TRAK2: variants seen among roughly 807,000 people sequenced by gnomAD.
TRAK2 encodes trafficking kinesin protein 2.
A neutral mutation model predicts 104.6 loss-of-function variants in TRAK2; 81 were observed. The ratio of observed to expected loss-of-function variants is 0.77; its 90% CI spans 0.65 to 0.93. TRAK2 has a LOEUF of 0.93. Among genes scored for constraint, TRAK2 ranks in the 40% least tolerant of loss-of-function variants. The pLI is 0.00. For missense variants in TRAK2, 1,002 were observed against 1,089.0 expected, an observed-to-expected ratio of 0.92 and a Z score of 1.12; for synonymous variants, 406 against 394.4, an observed-to-expected ratio of 1.03 and a Z score of -0.35.
chr2:201,389,644 C>T (rs1424223141), intron 11 of TRAK2, 141 bp from the exon 12 acceptor site: 1 of 1,090,174 alleles, frequency 9.2e-7, no homozygotes, highest in East Asian at 2.4e-5. Context: ...AGCTTTCAAA[C>T]AAGAGAACTC....
At chr2:201,418,456 T>C (rs1397946200) in intron 2 of TRAK2, among the ~76,000 whole-genome samples, 1 of 152,106 alleles carries the variant, frequency 6.6e-6, no homozygotes, top group Non-Finnish European at 1.5e-5. Context: ...ATGTGAAAAA[T>C]CTTAAATGGC....
At position 201,393,197 on chromosome 2, in the gene TRAK2, A is replaced by T; in HGVS notation, c.976-151T>A. The stretch of plus-strand genomic sequence containing the variant: ...TTCAATACAAAGACTAAAACAAACT[A>T]AGCAAGAAGCGTATATATATATATT... On this transcript the variant is annotated intron_variant, in intron 9 of 15. Transcript: ENST00000332624. 3 of 791,086 alleles carry T rather than the reference A, an allele frequency of 3.8e-6. No homozygotes were observed. In the South Asian group the frequency reaches 7.6e-5, roughly 20 times the overall value. The allele number at this position is 791,086 out of a possible 1,614,324, so 49.0% of individuals were successfully genotyped here.
intron 11 of TRAK2, 95 bp from the exon 12 acceptor site, chr2:201,389,598 C>T (rs1026495702): frequency 8.1e-7 from 1 of 1,228,636 alleles, no homozygotes; most frequent in Non-Finnish European, 1.2e-6. Context: ...ATAAAGCCAC[C>T]CTGAGGAGCT....
chr2:201,413,906 C>T (rs529513327), intron 2 of TRAK2, among the ~76,000 whole-genome samples: 1 of 152,172 alleles, frequency 6.6e-6, no homozygotes, highest in Non-Finnish European at 1.5e-5. Flanking sequence ...CTATTTTTCA[C>T]TCTTAATATT....
intron 1 of TRAK2, among the ~76,000 whole-genome samples, chr2:201,423,276 A>G (rs925543938): frequency 6.6e-6 from 1 of 152,186 alleles, no homozygotes; most frequent in Non-Finnish European, 1.5e-5. Context: ...AATTTTAATA[A>G]ATACTTTAAG....
At chr2:201,434,251 C>T (rs1358217058) in intron 1 of TRAK2, among the ~76,000 whole-genome samples, 2 of 152,154 alleles carry the variant, frequency 1.3e-5, no homozygotes, top group African/African-American at 2.4e-5. Flanking sequence ...GCCACTGCGC[C>T]CGGCCCATAA....
intron 1 of TRAK2, among the ~76,000 whole-genome samples, chr2:201,450,608 T>C (rs567458235): frequency 5.3e-4 from 80 of 152,036 alleles, no homozygotes; most frequent in Non-Finnish European, 9.7e-4. Context: ...CGGGAAGATT[T>C]ACGGAGACCA....
intron 1 of TRAK2, among the ~76,000 whole-genome samples, chr2:201,425,856 G>A (rs1405862718): frequency 6.6e-6 from 1 of 152,132 alleles, no homozygotes; most frequent in Non-Finnish European, 1.5e-5. Context: ...AAACAGAGCT[G>A]CGGTTCTTTT....
At chr2:201,415,761 GAAGA>G (rs1332910412) in intron 2 of TRAK2, among the ~76,000 whole-genome samples, 9 of 152,132 alleles carry the variant, frequency 5.9e-5, no homozygotes, top group African/African-American at 1.9e-4. Flanking sequence ...TGAAGTCCCA[GAAGA>G]AAGAAGAGGC....
At chr2:201,393,691 G>A (rs1290966769) in intron 9 of TRAK2, among the ~76,000 whole-genome samples, 5 of 152,190 alleles carry the variant, frequency 3.3e-5, no homozygotes, top group Admixed American at 6.5e-5. Flanking sequence ...ACCACTTGAA[G>A]TAGAAGCTCT....
At chr2:201,419,669 A>G (rs1951723545) in intron 2 of TRAK2, among the ~76,000 whole-genome samples, 1 of 152,176 alleles carries the variant, frequency 6.6e-6, no homozygotes, top group African/African-American at 2.4e-5. Context: ...CAAAACTCGA[A>G]CTGTATACTT....
chr2:201,411,257 C>CT lies in TRAK2; in HGVS notation c.92-3661dup, dbSNP rs1232291378. On this transcript the variant is annotated intron_variant, in intron 2 of 15. Transcript: ENST00000332624. ...GCTGCTGGCCTTTCAACTTCTATGC[C>CT]TGCTCTTGTTCTCTTGCTAATTTTT... 8.2e-6 allele frequency: 6 copies of CT among 735,082 alleles called. No individual in the cohort carries two copies. In the African/African-American group the frequency reaches 8.7e-5, roughly 11 times the overall value. The allele number at this position is 735,082 out of a possible 1,614,324, so 45.5% of individuals were successfully genotyped here. A position where few individuals can be genotyped will look rare whatever the true frequency, so the allele number is the denominator to read the frequency against.
chr2:201,384,447 T>A (rs908717190), intron 14 of TRAK2, among the ~76,000 whole-genome samples: 3 of 151,674 alleles, frequency 2.0e-5, no homozygotes, highest in Non-Finnish European at 4.4e-5. Flanking sequence ...TAAACAAAGA[T>A]TAGAAATGAG....
chr2:201,403,531 C>T (rs370523970), intron 3 of TRAK2, among the ~76,000 whole-genome samples: 399 of 152,258 alleles, frequency 2.6e-3, no homozygotes, highest in African/African-American at 8.8e-3. Context: ...CCAGCATATA[C>T]ACCTGTGAAT....
intron 1 of TRAK2, among the ~76,000 whole-genome samples, chr2:201,439,594 G>C (rs946493591): frequency 2.6e-5 from 4 of 152,090 alleles, no homozygotes; most frequent in African/African-American, 7.2e-5. Context: ...ATAATATAAT[G>C]ACTACAGTGA....
chr2:201,437,243 G>A (rs1951885856), intron 1 of TRAK2, among the ~76,000 whole-genome samples: 1 of 152,094 alleles, frequency 6.6e-6, no homozygotes, highest in South Asian at 2.1e-4. Context: ...ATAAATAGGA[G>A]GCTGTGGAAA....
At chr2:201,388,074 T>C (rs769172050) in intron 12 of TRAK2, 73 bp from the exon 13 acceptor site, 218 of 1,447,300 alleles carry the variant, frequency 1.5e-4, no homozygotes, top group Non-Finnish European at 1.9e-4. Flanking sequence ...CTTTCTATAA[T>C]GGTAAGCATT....
chr2:201,386,589 A>G, intron 13 of TRAK2, 105 bp from the exon 14 acceptor site: 9 of 1,388,576 alleles, frequency 6.5e-6, no homozygotes, highest in Non-Finnish European at 8.9e-6. Flanking sequence ...TGACAGCAAT[A>G]AAACTATTTA....
rs61702415 is a variant in TRAK2 at position 201,417,241 on chromosome 2, C to CAA, written c.91+3174_91+3175dup. Among the ~76,000 whole-genome samples, 322 of 88,378 alleles carry CAA rather than the reference C, an allele frequency of 3.6e-3. 2 individuals carry two copies. The highest frequency in any genetic ancestry group is 6.7e-3 in the Middle Eastern group (1 of 150). 58.0% of individuals were successfully genotyped at this position (88,378 alleles called of 152,430 possible). ...ATATCAAAATAAAGCGAAGACATTG[C>CAA]AAAAAAAAAAAAAAAAAAGAAAAGA... On this transcript the variant is annotated intron_variant, in intron 2 of 15. Coordinates refer to ENST00000332624, the MANE Select transcript of TRAK2 (RefSeq NM_015049.3).
Sources: allele counts gnomAD v4.1 joint callset (sites outside exome capture counted in the v4.1 genomes callset), GRCh38; gene constraint gnomAD v4.1.1; transcripts MANE v1.5; gene names NCBI Gene and HGNC (gene_info 2026-07-23, HGNC 2026-07-21).